CDK12: variants seen among roughly 807,000 people sequenced by gnomAD.
CDK12 encodes cyclin-dependent kinase 12.
Under a neutral mutation model 133.8 loss-of-function variants are expected in CDK12, and 17 were observed. The observed-to-expected ratio is 0.13, with a 90% CI of 0.09 to 0.19. The LOEUF is 0.19. Among genes scored for constraint, CDK12 ranks in the 10% least tolerant of loss-of-function variants. The pLI is 1.00. For missense variants in CDK12, 1,508 were observed against 1,818.7 expected (o/e 0.83, Z 3.11); for synonymous variants, 694 against 683.6 (o/e 1.02, Z -0.24).
At chr17:39,502,500 AT>A (rs1443807878) in intron 6 of CDK12, among the ~76,000 whole-genome samples, 1 of 152,168 alleles carries the variant, frequency 6.6e-6, no homozygotes, top group Non-Finnish European at 1.5e-5. Context: ...ACATGGAAAG[AT>A]TATGACACAT....
At chr17:39,527,607 G>A (rs2054570860) in intron 13 of CDK12, among the ~76,000 whole-genome samples, 2 of 152,214 alleles carry the variant, frequency 1.3e-5, no homozygotes, top group African/African-American at 4.8e-5. Flanking sequence ...GAGTGCAATG[G>A]CATGATCTTG....
At chr17:39,562,009 G>T (rs1203742761) in intron 3 of CDK12, among the ~76,000 whole-genome samples, 2 of 152,046 alleles carry the variant, frequency 1.3e-5, no homozygotes, top group African/African-American at 4.8e-5. Flanking sequence ...GCGCGATCTC[G>T]GCTCACTGCA....
chr17:39,478,809 T>A (rs2050410927), intron 2 of CDK12, among the ~76,000 whole-genome samples: 1 of 151,656 alleles, frequency 6.6e-6, no homozygotes, highest in Non-Finnish European at 1.5e-5. Flanking sequence ...TGGATAACAG[T>A]GAGATGTTGT....
intron 1 of CDK12, among the ~76,000 whole-genome samples, chr17:39,466,807 A>G (rs2049359424): frequency 6.6e-6 from 1 of 151,866 alleles, no homozygotes; most frequent in African/African-American, 2.4e-5. Context: ...TATAGAGAGC[A>G]TTATATGTTT....
intron 1 of CDK12, among the ~76,000 whole-genome samples, chr17:39,465,509 CAG>C (rs1379352140): frequency 4.0e-5 from 6 of 149,666 alleles, no homozygotes; most frequent in East Asian, 2.0e-4. Flanking sequence ...TTTTTTGAGA[CAG>C]AGTCTTGTTT....
At chr17:39,557,702 T>C (rs140424482) in intron 3 of CDK12, among the ~76,000 whole-genome samples, 118 of 152,336 alleles carry the variant, frequency 7.7e-4, no homozygotes, top group African/African-American at 2.8e-3. Flanking sequence ...CTAAGAGGCA[T>C]TGGATGAAGC....
intron 2 of CDK12, among the ~76,000 whole-genome samples, chr17:39,485,451 G>C (rs2051047431): frequency 8.5e-6 from 1 of 117,292 alleles, no homozygotes; most frequent in African/African-American, 3.2e-5. Context: ...GTCTCACTCT[G>C]TCGCCAGGCT....
chr17:39,519,896 T>C, intron 10 of CDK12, 60 bp from the exon 11 acceptor site: 1 of 1,601,972 alleles, frequency 6.2e-7, no homozygotes, highest in East Asian at 2.2e-5. Flanking sequence ...GAAACAAAAT[T>C]ACAAATTTGA....
chr17:39,524,840 C>A lies in CDK12; in HGVS notation c.3262C>A (p.Gln1088Lys), dbSNP rs921420187. 3.1e-6 allele frequency: 5 copies of A among 1,614,062 alleles called. No individual in the cohort carries two copies. Among genetic ancestry groups the A allele is most frequent in the African/African-American group, 2.7e-5 (2 of 74,934 alleles). ...PVKNSSPAPP[Q>K]PAPGKVESGA... ...GAAGAACAGCAGCCCAGCACCACCT[C>A]AGCCTGCTCCTGGCAAGGTGGAGTC... Residue 1088 changes from glutamine to lysine, a missense_variant, in exon 12 of 14, where the codon CAG becomes AAG. This residue lies in a region of CDK12 where 399 missense variants were observed against 469.6 expected (regional missense o/e 0.85). Transcript: ENST00000447079.
At chr17:39,502,176 G>A (rs572674193) in intron 6 of CDK12, among the ~76,000 whole-genome samples, 102 of 148,952 alleles carry the variant, frequency 6.8e-4, no homozygotes, top group African/African-American at 2.4e-3. Context: ...TTTTTGAAAC[G>A]GAGTCTTGCT....
In CDK12 at chr17:39,461,712, G is replaced by A; in HGVS notation, c.-360G>A. On this transcript the variant is annotated 5_prime_UTR_variant, in exon 1 of 14. Transcript: ENST00000447079. The stretch of plus-strand genomic sequence containing the variant: ...TAGTCCTCGCAGGGCCCCAGAGCTG[G>A]AGTCGGCTCCACAGCCCCGGGCCGT... The A allele has an allele frequency of 3.1e-6, 1 of 327,278 alleles. No homozygotes were observed. The highest frequency in any genetic ancestry group is 4.6e-5 in the East Asian group (1 of 21,760). 20.3% of individuals were successfully genotyped at this position (327,278 alleles called of 1,614,324 possible).
intron 3 of CDK12, chr17:39,564,638 A>G (rs1219740092): frequency 6.6e-6 from 1 of 152,216 alleles, no homozygotes; most frequent in Non-Finnish European, 1.5e-5. Context: ...CTTAGCAACC[A>G]CTAGTGCTTT....
chr17:39,562,886 TTTTTC>T lies in CDK12; in HGVS notation n.485-1869_485-1865del, dbSNP rs201368034. 6.7e-3 allele frequency among the ~76,000 whole-genome samples: 450 copies of T among 67,436 alleles called. 1 individual carries two copies. In the South Asian group the frequency reaches 0.086, roughly 13 times the overall value. The allele number at this position is 67,436 out of a possible 152,430, so 44.2% of individuals were successfully genotyped here. ...TTCTCTGTCTCTCTCTTCTCCTTTT[TTTTTC>T]TTTTTCTTTTCTTTTTTTTTTTTTT... On this transcript the variant is annotated intron_variant and non_coding_transcript_variant, in intron 3 of 3. Coordinates refer to the CDK12 transcript ENST00000558240.
rs1341590240 is a variant in CDK12, at chr17:39,462,318, T to A, written c.247T>A (p.Phe83Ile). ...TGATATCAGCTCTGATTCCGACACC[T>A]TCTCCGATGACATGGCCTTCAAACT... is the stretch of plus-strand genomic sequence containing the variant. Reference protein sequence around the residue: ...YDDISSDSDTFSDDMAFKLDR... With the variant: ...YDDISSDSDTISDDMAFKLDR... Residue 83 changes from phenylalanine (F) to isoleucine (I), a missense_variant, in exon 1 of 14, where the codon TTC (phenylalanine) becomes ATC (isoleucine). This residue lies in a region of CDK12 where 460 missense variants were observed against 490.8 expected (regional missense o/e 0.94). Coordinates refer to ENST00000447079, the MANE Select transcript of CDK12 (RefSeq NM_016507.4). The A allele has an allele frequency of 3.7e-6, 6 of 1,614,142 alleles. No homozygotes were observed. The highest frequency in any genetic ancestry group is 1.1e-5 in the South Asian group (1 of 91,092).
chr17:39,515,331 CA>C (rs1204939700), intron 8 of CDK12, among the ~76,000 whole-genome samples: 2 of 152,178 alleles, frequency 1.3e-5, no homozygotes, highest in Non-Finnish European at 2.9e-5. Context: ...AGATTAATGA[CA>C]AAAATGAATT....
intron 1 of CDK12, among the ~76,000 whole-genome samples, chr17:39,466,924 G>GA (rs1202587565): frequency 1.3e-5 from 2 of 151,406 alleles, no homozygotes; most frequent in Non-Finnish European, 2.9e-5. Context: ...ATTCTCTTGT[G>GA]TTTTTTTCCT....
At chr17:39,487,185 G>A (rs1435878772) in intron 2 of CDK12, among the ~76,000 whole-genome samples, 1 of 152,126 alleles carries the variant, frequency 6.6e-6, no homozygotes, top group Non-Finnish European at 1.5e-5. Context: ...CCCAGTTCTG[G>A]TTGATGTGGT....
At chr17:39,494,742 T>G (rs2051927533) in intron 5 of CDK12, 48 bp downstream of exon 5, 6 of 1,308,882 alleles carry the variant, frequency 4.6e-6, no homozygotes, top group Non-Finnish European at 5.2e-6. Flanking sequence ...GTCCAATCTT[T>G]GCCTTTCTTT....
chr17:39,530,786 C>T lies in CDK12; in HGVS notation c.3943C>T (p.His1315Tyr). The change falls in exon 14 of 14, where the codon CAC becomes TAC. Residue 1315 changes from histidine to tyrosine, a missense_variant. His to Tyr is a moderately conservative substitution (Grantham distance 83, BLOSUM62 2). Coordinates refer to ENST00000447079, the MANE Select transcript of CDK12 (RefSeq NM_016507.4). ...LSQPEAEPPG[H>Y]LPHEHQALRP... is the part of the protein sequence containing the mutation. ...CCAGCCTGAAGCAGAGCCTCCTGGC[C>T]ACCTGCCACATGAGCACCAGGCCTT... 4 of 1,614,170 alleles carry T rather than the reference C, an allele frequency of 2.5e-6. No individual in the cohort carries two copies. The highest frequency in any genetic ancestry group is 1.6e-4 in the Middle Eastern group (1 of 6,062).
Sources: gnomAD v4.1 joint callset for allele counts (sites outside exome capture counted in the v4.1 genomes callset) on GRCh38, gnomAD v4.1.1 for gene constraint, gnomAD v4.1.1 regional missense constraint, MANE v1.5 for transcripts, NCBI Gene and HGNC (gene_info 2026-07-23, HGNC 2026-07-21) for gene names.